ESF1: variants seen among roughly 807,000 people sequenced by gnomAD.
The protein encoded by ESF1 is ESF1 homolog.
In ESF1, 58 loss-of-function variants were observed where a neutral mutation model predicts 92.0. The ratio of observed to expected loss-of-function variants is 0.63; its 90% CI spans 0.51 to 0.78. The LOEUF is 0.78. Among genes scored for constraint, ESF1 ranks in the 30% least tolerant of loss-of-function variants. The pLI is 0.00. For missense variants in ESF1, 922 were observed against 989.1 expected (o/e 0.93, Z 0.91); for synonymous variants, 321 against 313.7 (o/e 1.02, Z -0.24).
chr20:13,748,538 ATATGTGTGTG>A (rs1568718248), intron 9 of ESF1, among the ~76,000 whole-genome samples: 4 of 76,276 alleles, frequency 5.2e-5, no homozygotes, highest in African/African-American at 2.0e-4. Flanking sequence ...ATACACATAT[ATATGTGTGTG>A]TATATATATA....
chr20:13,745,930 A>C (rs1206974381), intron 9 of ESF1, among the ~76,000 whole-genome samples: 1 of 152,214 alleles, frequency 6.6e-6, no homozygotes, highest in Non-Finnish European at 1.5e-5. Context: ...AGAGGACTGC[A>C]GACACTGGTA....
In ESF1 at chr20:13,753,607, C is replaced by T. The variant is rs575225745; in HGVS notation, c.1828+6085G>A. 6.9e-4 allele frequency among the ~76,000 whole-genome samples: 105 copies of T among 152,012 alleles called. 3 individuals are homozygous for T. In the South Asian group the frequency reaches 0.021, roughly 30 times the overall value. The stretch of plus-strand genomic sequence containing the variant: ...CATAATTCTTGGTGACTTCAGTATC[C>T]ACACAGATGATCCTCTGAACGTACC... On this transcript the variant is annotated intron_variant, in intron 9 of 13. Coordinates refer to ENST00000617257, the MANE Select transcript of ESF1 (RefSeq NM_001276380.2).
intron 4 of ESF1, among the ~76,000 whole-genome samples, chr20:13,774,648 G>C (rs886436066): frequency 6.6e-6 from 1 of 152,160 alleles, no homozygotes; most frequent in Non-Finnish European, 1.5e-5. Flanking sequence ...ATCAAGATTT[G>C]AACCCAGGTC....
chr20:13,747,933 A>G (rs1372694168), intron 9 of ESF1, among the ~76,000 whole-genome samples: 1 of 152,334 alleles, frequency 6.6e-6, no homozygotes, highest in Non-Finnish European at 1.5e-5. Context: ...CCTGTACAGC[A>G]TGTTACTATA....
chr20:13,732,030 T>G (rs1290491904), intron 10 of ESF1, among the ~76,000 whole-genome samples: 1 of 152,226 alleles, frequency 6.6e-6, no homozygotes, highest in African/African-American at 2.4e-5. Flanking sequence ...AATGTTTCCC[T>G]AAGGTCTGTG....
chr20:13,717,895 T>C (rs569912749), intron 12 of ESF1, among the ~76,000 whole-genome samples: 54 of 152,338 alleles, frequency 3.5e-4, no homozygotes, highest in Non-Finnish European at 6.2e-4. Flanking sequence ...CAAATGTTTA[T>C]TTTGTGATGC....
At chr20:13,773,968 G>A (rs183800657) in intron 4 of ESF1, among the ~76,000 whole-genome samples, 4,405 of 151,962 alleles carry the variant, frequency 0.029, 137 homozygotes, top group South Asian at 0.17. Context: ...GGTGGTGGGC[G>A]CCTGTAGTCC....
At chr20:13,761,445 C>A (rs1008922214) in intron 8 of ESF1, among the ~76,000 whole-genome samples, 1 of 151,192 alleles carries the variant, frequency 6.6e-6, no homozygotes, top group Non-Finnish European at 1.5e-5. Context: ...GGCATTTTAT[C>A]CCTCTTTATG....
At position 13,775,852 on chromosome 20, in the gene ESF1, CTTG is replaced by C. The variant is rs775106669; in HGVS notation, c.1035+18_1035+20del. 2 of 1,564,866 alleles carry C rather than the reference CTTG, an allele frequency of 1.3e-6. No homozygotes were observed. Among genetic ancestry groups the C allele is most frequent in the African/African-American group, 2.7e-5 (2 of 73,126 alleles). ...TTGTACTGTGTTTTTCACAAATAATCTTGTTTATTCAAAAGGTTACCTCATCAG... is the reference window on the plus strand; with the variant it reads ...TTGTACTGTGTTTTTCACAAATAATCTTTATTCAAAAGGTTACCTCATCAG... On this transcript the variant is annotated intron_variant, in intron 3 of 13. Coordinates refer to ENST00000617257, the MANE Select transcript of ESF1 (RefSeq NM_001276380.2).
At chr20:13,771,993 T>C (rs1979707328) in intron 5 of ESF1, among the ~76,000 whole-genome samples, 2 of 151,122 alleles carry the variant, frequency 1.3e-5, no homozygotes, top group African/African-American at 4.9e-5. Flanking sequence ...TGCTCTCTCC[T>C]GTCACTAATC....
At chr20:13,732,843 T>C (rs940871857) in intron 10 of ESF1, among the ~76,000 whole-genome samples, 5 of 152,216 alleles carry the variant, frequency 3.3e-5, no homozygotes, top group African/African-American at 1.2e-4. Context: ...TGCTATTCCC[T>C]GAACAACATG....
intron 11 of ESF1, among the ~76,000 whole-genome samples, chr20:13,722,538 A>C (rs2049874662): frequency 6.6e-6 from 1 of 152,188 alleles, no homozygotes; most frequent in African/African-American, 2.4e-5. Context: ...TTTTCAGTCA[A>C]TCTTTTGTCA....
chr20:13,784,528 G>A (rs1298181375), intron 1 of ESF1, among the ~76,000 whole-genome samples: 3 of 152,118 alleles, frequency 2.0e-5, no homozygotes, highest in East Asian at 1.9e-4. Flanking sequence ...ATCCGAGAGA[G>A]GGGAAGGCGA....
At chr20:13,746,730 A>T (rs1200418188) in intron 9 of ESF1, among the ~76,000 whole-genome samples, 4 of 152,228 alleles carry the variant, frequency 2.6e-5, no homozygotes, top group Non-Finnish European at 5.9e-5. Context: ...AGTCAATTTC[A>T]AACACTTCTT....
At chr20:13,720,714 A>G (rs11696168) in intron 11 of ESF1, among the ~76,000 whole-genome samples, 52,886 of 152,192 alleles carry the variant, frequency 0.35, 9,429 homozygotes, top group Middle Eastern at 0.49. Flanking sequence ...GATATACCAT[A>G]AAAGTATATG....
At chr20:13,748,592 A>ATATATATATT (rs1331098586) in intron 9 of ESF1, among the ~76,000 whole-genome samples, 8 of 95,740 alleles carry the variant, frequency 8.4e-5, no homozygotes, top group African/African-American at 5.2e-4. Flanking sequence ...ATATATATAT[A>ATATATATATT]TTTTTTTTTT....
intron 8 of ESF1, among the ~76,000 whole-genome samples, chr20:13,760,678 T>TGC (rs1979141165): frequency 6.9e-6 from 1 of 145,144 alleles, no homozygotes; most frequent in Admixed American, 6.8e-5. Context: ...GGTCAGCCCC[T>TGC]GCCAGGCCAG....
intron 5 of ESF1, among the ~76,000 whole-genome samples, chr20:13,771,718 A>G (rs1979691693): frequency 6.6e-6 from 1 of 152,096 alleles, no homozygotes; most frequent in Non-Finnish European, 1.5e-5. Flanking sequence ...GTGTGTGGGA[A>G]TTCGTGTGTT....
intron 9 of ESF1, among the ~76,000 whole-genome samples, chr20:13,747,760 A>C (rs1318352568): frequency 6.6e-6 from 1 of 152,334 alleles, no homozygotes; most frequent in East Asian, 1.9e-4. Flanking sequence ...GTATACTTAC[A>C]TAAACCTAGA....
Sources: allele counts gnomAD v4.1 joint callset (sites outside exome capture counted in the v4.1 genomes callset), GRCh38; gene constraint gnomAD v4.1.1; transcripts MANE v1.5; gene names NCBI Gene and HGNC (gene_info 2026-07-23, HGNC 2026-07-21).